Variants in ZNF717 observed in about 807,000 individuals in gnomAD.
The protein encoded by ZNF717 is krueppel-like factor X17.
A neutral mutation model predicts 13.8 loss-of-function variants in ZNF717; 9 were observed. The ratio of observed to expected loss-of-function variants is 0.65; its 90% CI spans 0.39 to 1.14. ZNF717 has a LOEUF of 1.14. Ranked by LOEUF, ZNF717 falls within the 50% of genes most tolerant of loss-of-function variation. The pLI is 0.01. For synonymous variants in ZNF717, 327 were observed against 364.1 expected (o/e 0.90, Z 1.16); for missense variants, 1,040 against 1,080.7 (o/e 0.96, Z 0.53).
At chr3:75,714,930 A>G (rs2106844752) in intron 5 of ZNF717, among the ~76,000 whole-genome samples, 1 of 152,334 alleles carries the variant, frequency 6.6e-6, no homozygotes, top group South Asian at 2.1e-4. Context: ...ATGCACAAAC[A>G]CATCTGACCA....
downstream of ZNF717, chr3:75,732,069 C>T (rs1938607833): frequency 5.7e-6 from 4 of 702,858 alleles, no homozygotes; most frequent in Admixed American, 2.0e-5. Context: ...CCTCCTGGAG[C>T]TCCACCAGGC....
chr3:75,695,197 G>C (rs1341776831), intron 6 of ZNF717, among the ~76,000 whole-genome samples: 1 of 151,982 alleles, frequency 6.6e-6, no homozygotes, highest in Non-Finnish European at 1.5e-5. Flanking sequence ...ACTTATACCA[G>C]ACAAACATAG....
chr3:75,700,180 T>C (rs1270062264), intron 6 of ZNF717, among the ~76,000 whole-genome samples: 1 of 152,424 alleles, frequency 6.6e-6, no homozygotes, highest in South Asian at 2.1e-4. Context: ...AATTATGAGG[T>C]CAGGAGTTCA....
chr3:75,728,185 T>C (rs1257817323), downstream of ZNF717, among the ~76,000 whole-genome samples: 1 of 152,238 alleles, frequency 6.6e-6, no homozygotes, highest in Non-Finnish European at 1.5e-5. Flanking sequence ...AACAAAAATA[T>C]TGCTTAGTAA....
At chr3:75,760,739 C>T (rs149965629) in intron 2 of ZNF717, among the ~76,000 whole-genome samples, 58 of 141,040 alleles carry the variant, frequency 4.1e-4, no homozygotes, top group African/African-American at 1.1e-3. Context: ...AATAACCTAA[C>T]ATTACACCTG....
chr3:75,699,718 C>G (rs1012344079), intron 6 of ZNF717, among the ~76,000 whole-genome samples: 4,582 of 117,488 alleles, frequency 0.039, no homozygotes, highest in Middle Eastern at 0.052. Flanking sequence ...ATTAACCAGT[C>G]ACTGATTATT....
At chr3:75,719,885 GAGA>G (rs1273514085) in intron 4 of ZNF717, among the ~76,000 whole-genome samples, 21 of 151,954 alleles carry the variant, frequency 1.4e-4, no homozygotes, top group Admixed American at 5.3e-4. Context: ...TTGAACCCGG[GAGA>G]AGGAGGTTGC....
At position 75,736,209 on chromosome 3, in the gene ZNF717, A is replaced by G. The variant is rs75467519; in HGVS notation, c.*669T>C. The G allele has an allele frequency of 2.0e-5, 3 of 152,232 alleles. No individual in the cohort carries two copies. The highest frequency in any genetic ancestry group is 4.8e-5 in the African/African-American group (2 of 41,440). 9.4% of individuals were successfully genotyped at this position (152,232 alleles called of 1,614,324 possible). ...CTCTGTTTCTCTCTTCTAGCTCCCC[A>G]TTCCCCAAGATACAACAATGAAATT... is the stretch of plus-strand genomic sequence containing the variant. On this transcript the variant is annotated 3_prime_UTR_variant, in exon 5 of 5. Coordinates refer to ENST00000652011, the MANE Select transcript of ZNF717 (RefSeq NM_001290208.3).
At chr3:75,706,101 G>T (rs1937798058), downstream of ZNF717, among the ~76,000 whole-genome samples, 2 of 152,418 alleles carry the variant, frequency 1.3e-5, no homozygotes, top group Admixed American at 6.5e-5. Flanking sequence ...GATATAGAGA[G>T]AAAAAATTAC....
At chr3:75,709,186 G>C (rs199813774), downstream of ZNF717, among the ~76,000 whole-genome samples, 186 of 152,006 alleles carry the variant, frequency 1.2e-3, 5 homozygotes, top group East Asian at 0.033. Flanking sequence ...TTTTAGTAGA[G>C]ATGTGGTTTC....
At chr3:75,769,792 G>A (rs561027779) in intron 2 of ZNF717, among the ~76,000 whole-genome samples, 2 of 152,260 alleles carry the variant, frequency 1.3e-5, no homozygotes, top group Non-Finnish European at 2.9e-5. Context: ...GCACACATCC[G>A]TTTTTCCTTA....
chr3:75,731,627 A>T (rs188908417), downstream of ZNF717, among the ~76,000 whole-genome samples: 1,255 of 144,454 alleles, frequency 8.7e-3, no homozygotes, highest in South Asian at 0.051. Context: ...TGAAAAGCTG[A>T]AAAGGTCAGG....
At chr3:75,750,607 A>T (rs2107380296) in intron 2 of ZNF717, among the ~76,000 whole-genome samples, 1 of 151,662 alleles carries the variant, frequency 6.6e-6, no homozygotes, top group African/African-American at 2.4e-5. Flanking sequence ...TGCCCCTCCA[A>T]CAGGATTCCA....
intron 2 of ZNF717, among the ~76,000 whole-genome samples, chr3:75,768,364 G>A (rs1326818573): frequency 1.7e-5 from 2 of 118,712 alleles, no homozygotes; most frequent in African/African-American, 3.1e-5. Context: ...TGAGTGTGGG[G>A]GGGGGGGGTA....
intron 2 of ZNF717, among the ~76,000 whole-genome samples, chr3:75,750,836 G>A (rs1408677275): frequency 6.6e-6 from 1 of 151,136 alleles, no homozygotes; most frequent in Non-Finnish European, 1.5e-5. Flanking sequence ...CTGAGTGTCT[G>A]TCCCTCACAT....
Position 75,737,943 on chromosome 3 carries a change from T to C in ZNF717, c.1680A>G (p.Glu560=). Reference sequence around the variant, plus strand: ...CACATTCATTACATTCATAGGGTTTTTCCCCTGTGTGAGTTCTGTGATGTA... The same window carrying C: ...CACATTCATTACATTCATAGGGTTTCTCCCCTGTGTGAGTTCTGTGATGTA... ...LTVHHRTHTG[E]KPYECNECGK... The change falls in exon 5 of 5, where the codon GAA becomes GAG. Residue 560 remains glutamate, a synonymous_variant. Coordinates refer to ENST00000652011, the MANE Select transcript of ZNF717 (RefSeq NM_001290208.3). 6.4e-7 allele frequency: 1 copy of C among 1,555,736 alleles called. No homozygotes were observed. The highest frequency in any genetic ancestry group is 8.7e-7 in the Non-Finnish European group (1 of 1,149,670).
chr3:75,771,326 T>TATAAATCTTCCACC (rs1436752623), intron 2 of ZNF717, among the ~76,000 whole-genome samples: 6 of 152,262 alleles, frequency 3.9e-5, no homozygotes, highest in Non-Finnish European at 8.8e-5. Context: ...CTTTATTGTC[T>TATAAATCTTCCACC]ATAAATCTTC....
intron 2 of ZNF717, among the ~76,000 whole-genome samples, chr3:75,779,615 A>G (rs1328497943): frequency 6.6e-6 from 1 of 151,654 alleles, no homozygotes; most frequent in Non-Finnish European, 1.5e-5. Context: ...GAGATGTGCT[A>G]AACAGGAACC....
At chr3:75,703,206 T>G (rs1203567580) in intron 6 of ZNF717, among the ~76,000 whole-genome samples, 2 of 152,308 alleles carry the variant, frequency 1.3e-5, no homozygotes, top group Non-Finnish European at 2.9e-5. Context: ...CTCAGCTCCC[T>G]GCTCAACAGC....
Sources: gnomAD v4.1 joint callset for allele counts (sites outside exome capture counted in the v4.1 genomes callset) on GRCh38, gnomAD v4.1.1 for gene constraint, MANE v1.5 for transcripts, NCBI Gene and HGNC (gene_info 2026-07-23, HGNC 2026-07-21) for gene names.